TSG101: variants seen among roughly 807,000 people sequenced by gnomAD.
TSG101 encodes the protein tumor susceptibility gene 101 protein.
TSG101 carries 19 observed loss-of-function variants against 48.5 expected under a neutral mutation model. The ratio of observed to expected loss-of-function variants is 0.39; its 90% CI spans 0.27 to 0.58. The LOEUF (loss-of-function observed/expected upper bound fraction) is 0.58, where lower values mean the gene tolerates loss of function less well. TSG101 is among the 20% of genes least tolerant of loss of function. The pLI, the probability that TSG101 is intolerant of heterozygous loss-of-function variation, is 0.55. For synonymous variants in TSG101, 174 were observed against 169.4 expected (o/e 1.03, Z -0.21); for missense variants, 365 against 484.4 (o/e 0.75, Z 2.31).
At chr11:18,519,951 AAGAGT>A (rs1850241771) in intron 1 of TSG101, among the ~76,000 whole-genome samples, 2 of 152,356 alleles carry the variant, frequency 1.3e-5, no homozygotes, top group South Asian at 2.1e-4. Flanking sequence ...CACACATTTA[AAGAGT>A]ATAGTTCAAT....
intron 4 of TSG101, among the ~76,000 whole-genome samples, chr11:18,510,519 A>G (rs1407822633): frequency 1.3e-5 from 2 of 152,190 alleles, no homozygotes; most frequent in Non-Finnish European, 2.9e-5. Context: ...TCCTTCCAAC[A>G]ATGACAAAGA....
chr11:18,514,844 G>T lies in TSG101; in HGVS notation c.194-3C>A. On this transcript the variant is annotated splice_region_variant and splice_polypyrimidine_tract_variant and intron_variant, in intron 3 of 9. Coordinates refer to ENST00000251968, the MANE Select transcript of TSG101 (RefSeq NM_006292.4). ...TATTGGAATATTGTATGTATTACCT[G>T]AAAAAGAAATAGAAACTTCAGTTAC... 1 of 1,530,976 alleles carries T rather than the reference G, an allele frequency of 6.5e-7. No individual in the cohort carries two copies. The highest frequency in any genetic ancestry group is 1.3e-5 in the South Asian group (1 of 76,372). 94.8% of individuals were successfully genotyped at this position (1,530,976 alleles called of 1,614,324 possible). A position where few individuals can be genotyped will look rare whatever the true frequency, so the allele number is the denominator to read the frequency against.
In TSG101 at chr11:18,480,603, C is replaced by T; in HGVS notation, c.1116G>A (p.Gln372=). 1.9e-6 allele frequency: 3 copies of T among 1,613,914 alleles called. No homozygotes were observed. The highest frequency in any genetic ancestry group is 2.5e-6 in the Non-Finnish European group (3 of 1,179,936). Residue 372 remains glutamine, a synonymous_variant, in exon 10 of 10, where the codon CAG becomes CAA. Transcript: ENST00000251968. ...TTGCTTTTTGCATTAGTGCCCTCAG[C>T]TGGAACTGTTTACGGGACAGAAGAC... is the stretch of plus-strand genomic sequence containing the variant. ...HVRLLSRKQF[Q]LRALMQKARK... is the part of the protein sequence containing the mutation.
At chr11:18,488,792 T>G (rs1011157351) in intron 7 of TSG101, among the ~76,000 whole-genome samples, 1 of 151,692 alleles carries the variant, frequency 6.6e-6, no homozygotes, top group African/African-American at 2.4e-5. Context: ...GACAGAAATT[T>G]AGAGAGGAGG....
chr11:18,526,879 G>A lies in TSG101; in HGVS notation c.-63C>T, dbSNP rs1850387391. 14 of 1,557,622 alleles carry A rather than the reference G, an allele frequency of 9.0e-6. No individual in the cohort carries two copies. The South Asian group carries it at 1.5e-4, about 17-fold the overall frequency. On this transcript the variant is annotated 5_prime_UTR_variant, in exon 1 of 10. Transcript: ENST00000251968. ...GGTCAGCCGCTGCTGGGCTGCCCCA[G>A]ACCGTCCCACACAATCGCACACCCC...
At chr11:18,519,679 ATC>A in intron 1 of TSG101, 76 bp from the exon 2 acceptor site, 2 of 1,095,284 alleles carry the variant, frequency 1.8e-6, no homozygotes, top group South Asian at 2.8e-5. Flanking sequence ...TTTTCTTAAA[ATC>A]TCTTCCACTA....
chr11:18,518,179 A>C (rs1345592019), intron 2 of TSG101, among the ~76,000 whole-genome samples: 3 of 152,218 alleles, frequency 2.0e-5, no homozygotes, highest in Admixed American at 6.5e-5. Flanking sequence ...GTATGCAGAC[A>C]GAAATAAGGT....
intron 9 of TSG101, 80 bp from the exon 10 acceptor site, chr11:18,480,715 G>C: frequency 7.5e-7 from 1 of 1,331,588 alleles, no homozygotes; most frequent in Non-Finnish European, 1.1e-6. Flanking sequence ...TTGTAACCTA[G>C]ATGGGATCTA....
chr11:18,518,434 C>T (rs764774617), intron 2 of TSG101, among the ~76,000 whole-genome samples: 24 of 152,122 alleles, frequency 1.6e-4, no homozygotes, highest in East Asian at 3.8e-4. Flanking sequence ...GGTTTTCCCT[C>T]GGCCCTGGCA....
chr11:18,526,691 G>T, intron 1 of TSG101, 84 bp downstream of exon 1: 1 of 1,515,998 alleles, frequency 6.6e-7, no homozygotes, highest in Non-Finnish European at 8.9e-7. Context: ...TGGGAAGCTT[G>T]CTTGGCTGGG....
intron 7 of TSG101, among the ~76,000 whole-genome samples, chr11:18,499,396 ATATATATTTTTTTT>A (rs1849849451): frequency 2.7e-4 from 1 of 3,734 alleles, no homozygotes; most frequent in African/African-American, 6.0e-4. Flanking sequence ...ATATATATAT[ATATATATTTTTTTT>A]TTTTTTTTTT....
At chr11:18,523,835 C>T (rs1262774257) in intron 1 of TSG101, among the ~76,000 whole-genome samples, 1 of 152,080 alleles carries the variant, frequency 6.6e-6, no homozygotes, top group East Asian at 1.9e-4. Context: ...TTATTTTTTA[C>T]TTTTTGAGAC....
chr11:18,502,044 T>G (rs1849898170), intron 7 of TSG101, among the ~76,000 whole-genome samples: 1 of 152,198 alleles, frequency 6.6e-6, no homozygotes, highest in Non-Finnish European at 1.5e-5. Flanking sequence ...GTTTTTTTAG[T>G]TGAAGAAAAT....
rs375711754 is a variant in TSG101, at chr11:18,481,653, T to A, written c.1060A>T (p.Ile354Leu). The change falls in exon 9 of 10, where the codon ATA becomes TTA. Residue 354 changes from isoleucine (I) to leucine (L), a missense_variant. Physicochemically the swap from Ile to Leu is conservative, Grantham distance 5. Transcript: ENST00000251968. The stretch of plus-strand genomic sequence containing the variant: ...ACCTTCAGGAAGACATCCAGGTCTA[T>A]CACGCCCCTTCTCAAGGCTTCTCCC... Reference protein sequence around the residue: ...YLGEALRRGVIDLDVFLKHVR... With the variant: ...YLGEALRRGVLDLDVFLKHVR... 6 of 1,614,060 alleles carry A rather than the reference T, an allele frequency of 3.7e-6. No homozygotes were observed. The highest frequency in any genetic ancestry group is 1.3e-5 in the African/African-American group (1 of 74,946).
At chr11:18,483,079 T>G (rs1422133216) in intron 8 of TSG101, among the ~76,000 whole-genome samples, 1 of 151,988 alleles carries the variant, frequency 6.6e-6, no homozygotes, top group Non-Finnish European at 1.5e-5. Context: ...GCAGGGGTGG[T>G]AATTGAATCA....
chr11:18,518,495 G>A (rs1850216073), intron 2 of TSG101, among the ~76,000 whole-genome samples: 1 of 152,018 alleles, frequency 6.6e-6, no homozygotes, highest in African/African-American at 2.4e-5. Flanking sequence ...GATTTGGTAG[G>A]GACAGAAAAG....
Position 18,526,903 on chromosome 11 carries a change from C to T in TSG101, c.-87G>A, listed in dbSNP as rs1041111963. ...AGACCGTCCCACACAATCGCACACC[C>T]CCAACCCGGCCTCAAACAACAGGAA... On this transcript the variant is annotated 5_prime_UTR_variant, in exon 1 of 10. Transcript: ENST00000251968. 3 of 1,437,666 alleles carry T rather than the reference C, an allele frequency of 2.1e-6. No homozygotes were observed. Among genetic ancestry groups the T allele is most frequent in the African/African-American group, 2.8e-5 (2 of 70,780 alleles). 89.1% of individuals were successfully genotyped at this position (1,437,666 alleles called of 1,614,324 possible).
At chr11:18,504,200 CA>C (rs933198352) in intron 6 of TSG101, among the ~76,000 whole-genome samples, 3,125 of 43,340 alleles carry the variant, frequency 0.072, 81 homozygotes, top group African/African-American at 0.17. Context: ...GCCCCCATCT[CA>C]AAAAAAAAAA....
chr11:18,510,400 G>A (rs988486352), intron 4 of TSG101, among the ~76,000 whole-genome samples: 1 of 152,042 alleles, frequency 6.6e-6, no homozygotes, highest in Admixed American at 6.6e-5. Context: ...CATCCTAGGC[G>A]ACAGAGCAAG....
Sources: allele counts gnomAD v4.1 joint callset (sites outside exome capture counted in the v4.1 genomes callset), GRCh38; gene constraint gnomAD v4.1.1; transcripts MANE v1.5; gene names NCBI Gene and HGNC (gene_info 2026-07-23, HGNC 2026-07-21).